The following CSMD1 variants were observed in gnomAD, a reference collection of about 807,000 sequenced individuals.
CSMD1 encodes the protein CUB and sushi domain-containing protein 1.
CSMD1 carries 213 observed loss-of-function variants against 417.5 expected under a neutral mutation model. That is an observed-to-expected ratio of 0.51 (90% CI 0.46 to 0.57). The LOEUF is 0.57. Among genes scored for constraint, CSMD1 ranks in the 20% least tolerant of loss-of-function variants. CSMD1 has a pLI of 0.00. For synonymous variants in CSMD1, 2,862 were observed against 1,736.8 expected (o/e 1.65, Z -16.11); for missense variants, 6,923 against 4,529.7 (o/e 1.53, Z -15.17).
intron 11 of CSMD1, among the ~76,000 whole-genome samples, chr8:3,478,846 A>C (rs1817574795): frequency 6.6e-6 from 1 of 152,192 alleles, no homozygotes; most frequent in African/African-American, 2.4e-5. Flanking sequence ...AGAGGGATGC[A>C]GCTATATAAA....
At chr8:4,443,552 C>G (rs904133363) in intron 2 of CSMD1, among the ~76,000 whole-genome samples, 3 of 152,118 alleles carry the variant, frequency 2.0e-5, no homozygotes, top group Non-Finnish European at 2.9e-5. Flanking sequence ...ATATGTCAGC[C>G]ACGTGTGGCT....
intron 26 of CSMD1, among the ~76,000 whole-genome samples, chr8:3,271,883 C>A (rs181714491): frequency 3.3e-5 from 5 of 151,978 alleles, no homozygotes; most frequent in Non-Finnish European, 5.9e-5. Context: ...TGTAGGTTGC[C>A]TGTTCACTCT....
intron 3 of CSMD1, among the ~76,000 whole-genome samples, chr8:4,271,572 A>G (rs1028544811): frequency 6.6e-6 from 1 of 150,844 alleles, no homozygotes; most frequent in Non-Finnish European, 1.5e-5. Flanking sequence ...AAAAGAGAGA[A>G]AAAAAAAAGG....
intron 23 of CSMD1, among the ~76,000 whole-genome samples, chr8:3,330,966 C>T (rs891543926): frequency 1.1e-4 from 16 of 152,008 alleles, no homozygotes; most frequent in Non-Finnish European, 2.2e-4. Context: ...AGAAAAGCAA[C>T]AGTGCCGGGC....
At chr8:3,399,338 T>A (rs1811893145) in intron 16 of CSMD1, 53 bp downstream of exon 16, 16 of 1,490,896 alleles carry the variant, frequency 1.1e-5, no homozygotes, top group African/African-American at 1.4e-5. Flanking sequence ...TTACTAAAAC[T>A]ATGGAAGAGA....
At chr8:4,818,630 G>T (rs918465914) in intron 1 of CSMD1, among the ~76,000 whole-genome samples, 1 of 152,140 alleles carries the variant, frequency 6.6e-6, no homozygotes, top group Non-Finnish European at 1.5e-5. Context: ...GAAAGTGCCA[G>T]TAAAAGGAAA....
At chr8:3,332,481 C>A (rs2551042) in intron 23 of CSMD1, among the ~76,000 whole-genome samples, 2 of 151,728 alleles carry the variant, frequency 1.3e-5, no homozygotes, top group African/African-American at 2.4e-5. Flanking sequence ...TAGGGAAGAT[C>A]GAGGCACATA....
At chr8:4,139,245 G>A (rs1014946447) in intron 3 of CSMD1, among the ~76,000 whole-genome samples, 5 of 152,182 alleles carry the variant, frequency 3.3e-5, no homozygotes, top group African/African-American at 1.2e-4. Context: ...GGCGAATTTA[G>A]CTTCATTATG....
At chr8:3,687,793 T>G (rs138817219) in intron 7 of CSMD1, among the ~76,000 whole-genome samples, 2 of 152,204 alleles carry the variant, frequency 1.3e-5, no homozygotes, top group Non-Finnish European at 2.9e-5. Context: ...ACTTGATCTT[T>G]GCTCCACTTA....
chr8:3,154,949 G>A (rs1018843096), intron 39 of CSMD1, among the ~76,000 whole-genome samples: 5 of 152,032 alleles, frequency 3.3e-5, no homozygotes, highest in Admixed American at 2.6e-4. Context: ...TTAATCACTA[G>A]AATCTGTCTT....
intron 48 of CSMD1, among the ~76,000 whole-genome samples, chr8:3,090,286 C>CAGCCTGG (rs1470979485): frequency 7.6e-6 from 1 of 132,130 alleles, no homozygotes; most frequent in Non-Finnish European, 1.5e-5. Flanking sequence ...CACTGCACTC[C>CAGCCTGG]AGCCTGGGCA....
At chr8:3,025,629 T>C (rs1373008509) in intron 51 of CSMD1, among the ~76,000 whole-genome samples, 1 of 152,238 alleles carries the variant, frequency 6.6e-6, no homozygotes, top group Non-Finnish European at 1.5e-5. Flanking sequence ...CAATATATTT[T>C]ATTTTACATA....
intron 5 of CSMD1, among the ~76,000 whole-genome samples, chr8:3,763,810 G>T (rs996445727): frequency 6.6e-6 from 1 of 152,168 alleles, no homozygotes. Context: ...CCAGGTCCCT[G>T]CATGCACACA....
At chr8:4,751,378 A>G (rs747629384) in intron 1 of CSMD1, among the ~76,000 whole-genome samples, 7 of 149,472 alleles carry the variant, frequency 4.7e-5, no homozygotes, top group Non-Finnish European at 8.9e-5. Flanking sequence ...ACGACAGAGC[A>G]AGACTCTGTC....
At chr8:4,929,820 C>A (rs7819145) in intron 1 of CSMD1, among the ~76,000 whole-genome samples, 3,281 of 152,268 alleles carry the variant, frequency 0.022, 84 homozygotes, top group African/African-American at 0.064. Context: ...ACCACATTCC[C>A]TCACTGCCAA....
intron 26 of CSMD1, among the ~76,000 whole-genome samples, chr8:3,270,041 C>T (rs1503281): frequency 0.078 from 9,392 of 120,252 alleles, 413 homozygotes; most frequent in Non-Finnish European, 0.1. Context: ...TTTCTCTAAC[C>T]TCTTCTTTTT....
intron 23 of CSMD1, among the ~76,000 whole-genome samples, chr8:3,324,345 T>G (rs894709242): frequency 6.7e-6 from 1 of 148,950 alleles, no homozygotes; most frequent in South Asian, 2.2e-4. Flanking sequence ...ACTGTTAAAA[T>G]AGACACACAT....
intron 2 of CSMD1, among the ~76,000 whole-genome samples, chr8:4,498,907 A>G (rs936640814): frequency 1.3e-5 from 2 of 152,210 alleles, no homozygotes; most frequent in Non-Finnish European, 2.9e-5. Flanking sequence ...AAAATGATTT[A>G]GATCACAGGG....
intron 1 of CSMD1, among the ~76,000 whole-genome samples, chr8:4,843,582 G>A (rs1484703271): frequency 1.3e-5 from 2 of 152,138 alleles, no homozygotes; most frequent in African/African-American, 2.4e-5. Flanking sequence ...TCCAATTCCA[G>A]GAGACATTTC....
Sources: gnomAD v4.1 joint callset for allele counts (sites outside exome capture counted in the v4.1 genomes callset) on GRCh38, gnomAD v4.1.1 for gene constraint, MANE v1.5 for transcripts, NCBI Gene and HGNC (gene_info 2026-07-23, HGNC 2026-07-21) for gene names.